Variants in PTPRG observed in about 807,000 individuals in gnomAD.
PTPRG encodes protein tyrosine phosphatase receptor type G.
A neutral mutation model predicts 165.3 loss-of-function variants in PTPRG; 102 were observed. That is an observed-to-expected ratio of 0.62 (90% CI 0.53 to 0.73). The LOEUF is 0.73. Among genes scored for constraint, PTPRG ranks in the 30% least tolerant of loss-of-function variants. The pLI, the probability that PTPRG is intolerant of heterozygous loss-of-function variation, is 0.00. For missense variants in PTPRG, 1,866 were observed against 1,861.4 expected, an observed-to-expected ratio of 1.00 and a Z score of -0.05; for synonymous variants, 675 against 669.5, an observed-to-expected ratio of 1.01 and a Z score of -0.13.
intron 1 of PTPRG, among the ~76,000 whole-genome samples, chr3:61,722,135 A>T (rs2032072639): frequency 6.6e-6 from 1 of 152,058 alleles, no homozygotes; most frequent in Admixed American, 6.6e-5. Context: ...GAAGTCAAAG[A>T]TGGAGGGGCT....
At chr3:61,712,353 A>G (rs1445461979) in intron 1 of PTPRG, among the ~76,000 whole-genome samples, 1 of 152,102 alleles carries the variant, frequency 6.6e-6, no homozygotes, top group East Asian at 1.9e-4. Context: ...TAAAGAGAGA[A>G]CACTGGAGAA....
At chr3:61,810,889 T>C (rs1458317041) in intron 2 of PTPRG, among the ~76,000 whole-genome samples, 1 of 152,186 alleles carries the variant, frequency 6.6e-6, no homozygotes, top group African/African-American at 2.4e-5. Flanking sequence ...GGTGACATCA[T>C]ATGATGTAAG....
intron 4 of PTPRG, among the ~76,000 whole-genome samples, chr3:62,057,956 G>A (rs1281847794): frequency 6.6e-6 from 1 of 152,164 alleles, no homozygotes; most frequent in African/African-American, 2.4e-5. Context: ...AATACTTCAG[G>A]TGTAGGCATT....
In PTPRG at chr3:61,683,132, A is replaced by T. The variant is rs571256476; in HGVS notation, c.86-65746A>T. The stretch of plus-strand genomic sequence containing the variant: ...TGGGCTGAAAAGTGAGTCATTATGG[A>T]ATCTTTGAGGTGTTTTTATTTTCCA... On this transcript the variant is annotated intron_variant, in intron 1 of 29. Transcript: ENST00000474889. Among the ~76,000 whole-genome samples, 7 of 152,280 alleles carry T rather than the reference A, an allele frequency of 4.6e-5. No individual in the cohort carries two copies. The South Asian group carries it at 1.2e-3, about 27-fold the overall frequency.
chr3:61,694,509 A>C (rs2106673967), intron 1 of PTPRG, among the ~76,000 whole-genome samples: 1 of 152,344 alleles, frequency 6.6e-6, no homozygotes, highest in Middle Eastern at 3.4e-3. Flanking sequence ...CGGTTTCCAC[A>C]GAAAGTAAAA....
In PTPRG at chr3:61,748,895, G is replaced by A. The variant is rs751360182; in HGVS notation, c.103G>A (p.Val35Ile). 4.3e-6 allele frequency: 7 copies of A among 1,613,434 alleles called. No homozygotes were observed. The highest frequency in any genetic ancestry group is 5.9e-6 in the Non-Finnish European group (7 of 1,179,980). Residue 35 changes from valine (V) to isoleucine (I), a missense_variant, in exon 2 of 30, where the codon GTT becomes ATT. Physicochemically the swap from Val to Ile is conservative, Grantham distance 29 (BLOSUM62 3). Around this residue, in one of 3 missense-constraint regions of PTPRG, gnomAD observed 408 missense variants for 376.2 expected, o/e 1.08. Transcript: ENST00000474889. Reference protein sequence around the residue: ...VCFPALTEGYVGALHENRHGS... With the variant: ...VCFPALTEGYIGALHENRHGS... ...TCTTCCAGCGTTGACAGAAGGCTAC[G>A]TTGGGGCCCTGCACGAGAATAGACA...
intron 2 of PTPRG, among the ~76,000 whole-genome samples, chr3:61,826,585 T>G (rs1171449312): frequency 2.0e-5 from 3 of 152,184 alleles, no homozygotes; most frequent in Non-Finnish European, 4.4e-5. Flanking sequence ...GACGGCCAAT[T>G]TGTTAAAAAT....
intron 6 of PTPRG, among the ~76,000 whole-genome samples, chr3:62,152,581 A>G (rs1704375418): frequency 2.0e-5 from 3 of 152,286 alleles, no homozygotes; most frequent in East Asian, 3.9e-4. Flanking sequence ...CAAGCACCCC[A>G]TTTATCAGTA....
At chr3:62,052,968 C>G (rs1250521201) in intron 4 of PTPRG, among the ~76,000 whole-genome samples, 4 of 152,144 alleles carry the variant, frequency 2.6e-5, no homozygotes, top group African/African-American at 9.7e-5. Context: ...CCAGAATAGC[C>G]AGGAAGCACA....
intron 4 of PTPRG, among the ~76,000 whole-genome samples, chr3:62,037,569 A>G (rs1030500490): frequency 1.3e-5 from 2 of 152,202 alleles, no homozygotes; most frequent in Non-Finnish European, 2.9e-5. Flanking sequence ...TTCAGGTTAC[A>G]TGGACCTACT....
At chr3:62,019,087 G>T (rs544987512) in intron 4 of PTPRG, among the ~76,000 whole-genome samples, 5 of 152,194 alleles carry the variant, frequency 3.3e-5, no homozygotes, top group Non-Finnish European at 7.3e-5. Context: ...CAGCACCCAG[G>T]CTAACAGCAG....
intron 1 of PTPRG, among the ~76,000 whole-genome samples, chr3:61,604,831 C>T (rs1700958312): frequency 6.6e-6 from 1 of 152,036 alleles, no homozygotes; most frequent in Non-Finnish European, 1.5e-5. Flanking sequence ...ATCTGTTTTT[C>T]AATAAAACTC....
At chr3:61,830,570 T>TG (rs1553677727) in intron 2 of PTPRG, among the ~76,000 whole-genome samples, 1 of 49,884 alleles carries the variant, frequency 2.0e-5, no homozygotes, top group Non-Finnish European at 3.5e-5. Context: ...GTTTTTGTTT[T>TG]TTTTTTTTTT....
chr3:62,247,159 A>C (rs1200142168), intron 15 of PTPRG, among the ~76,000 whole-genome samples: 1 of 152,190 alleles, frequency 6.6e-6, no homozygotes, highest in African/African-American at 2.4e-5. Context: ...AGACAGGTAC[A>C]GTTGACACCC....
chr3:61,568,894 C>T (rs1451679231), intron 1 of PTPRG, among the ~76,000 whole-genome samples: 3 of 139,114 alleles, frequency 2.2e-5, no homozygotes, highest in African/African-American at 8.1e-5. Flanking sequence ...TGCGACAGAG[C>T]AAGACTCCGT....
At chr3:62,102,031 C>A (rs1168364088) in intron 5 of PTPRG, among the ~76,000 whole-genome samples, 1 of 152,026 alleles carries the variant, frequency 6.6e-6, no homozygotes, top group African/African-American at 2.4e-5. Flanking sequence ...TCCTTCTTTC[C>A]TATTTAAAAT....
chr3:61,966,636 T>C (rs1362525564), intron 2 of PTPRG, among the ~76,000 whole-genome samples: 2 of 152,174 alleles, frequency 1.3e-5, no homozygotes, highest in East Asian at 1.9e-4. Context: ...GTTTTTTTTT[T>C]CTCACTTTCC....
At chr3:61,856,184 G>A (rs912663002) in intron 2 of PTPRG, among the ~76,000 whole-genome samples, 1 of 151,938 alleles carries the variant, frequency 6.6e-6, no homozygotes, top group African/African-American at 2.4e-5. Flanking sequence ...TTTAACCACA[G>A]TGTACCTCTC....
chr3:62,259,464 C>CT (rs1211328905), intron 16 of PTPRG, among the ~76,000 whole-genome samples: 47 of 152,252 alleles, frequency 3.1e-4, no homozygotes, highest in Middle Eastern at 3.4e-3. Context: ...TGTTGGGCTG[C>CT]TTTCAAAGCC....
Sources: gnomAD v4.1 joint callset for allele counts (sites outside exome capture counted in the v4.1 genomes callset) on GRCh38, gnomAD v4.1.1 for gene constraint, gnomAD v4.1.1 regional missense constraint, MANE v1.5 for transcripts, NCBI Gene and HGNC (gene_info 2026-07-23, HGNC 2026-07-21) for gene names.